The following KCMF1 variants were observed in gnomAD, a reference collection of about 807,000 sequenced individuals.
KCMF1 encodes the protein E3 ubiquitin-protein ligase KCMF1.
A neutral mutation model predicts 41.1 loss-of-function variants in KCMF1; 3 were observed. That is an observed-to-expected ratio of 0.07 (90% CI 0.03 to 0.19). The LOEUF is 0.19. Ranked by LOEUF, KCMF1 falls within the 10% of genes least tolerant of loss-of-function variation. KCMF1 has a pLI of 1.00. For missense variants in KCMF1, 286 were observed against 488.9 expected (o/e 0.58, Z 3.91); for synonymous variants, 142 against 164.5 (o/e 0.86, Z 1.04).
At chr2:85,035,864 A>G (rs866878971) in intron 3 of KCMF1, among the ~76,000 whole-genome samples, 2 of 152,200 alleles carry the variant, frequency 1.3e-5, no homozygotes, top group Non-Finnish European at 1.5e-5. Context: ...TGAAGGCTTT[A>G]TATGGAACTA....
chr2:84,976,425 C>T (rs986497195), intron 1 of KCMF1, among the ~76,000 whole-genome samples: 6 of 151,836 alleles, frequency 4.0e-5, no homozygotes, highest in Non-Finnish European at 7.4e-5. Flanking sequence ...AGGCTGGTCT[C>T]GAACTCCTGA....
intron 4 of KCMF1, among the ~76,000 whole-genome samples, chr2:85,044,739 G>A (rs1012831984): frequency 1.7e-4 from 26 of 152,140 alleles, no homozygotes; most frequent in Middle Eastern, 3.4e-3. Flanking sequence ...GGCTGGTCTC[G>A]AACTCCTGAC....
At chr2:85,013,181 A>G (rs1368195086) in intron 1 of KCMF1, among the ~76,000 whole-genome samples, 1 of 152,158 alleles carries the variant, frequency 6.6e-6, no homozygotes, top group African/African-American at 2.4e-5. Context: ...ACTTATCCTT[A>G]TTCCCCATTT....
At chr2:84,999,989 G>C (rs1312896269) in intron 1 of KCMF1, among the ~76,000 whole-genome samples, 1 of 150,788 alleles carries the variant, frequency 6.6e-6, no homozygotes, top group Non-Finnish European at 1.5e-5. Flanking sequence ...ATTAGAAAAA[G>C]AAACAGGAAT....
intron 1 of KCMF1, among the ~76,000 whole-genome samples, chr2:84,974,658 C>CATATATATATATATATATAT (rs71392939): frequency 6.8e-5 from 2 of 29,332 alleles, no homozygotes; most frequent in Non-Finnish European, 1.1e-4. Context: ...ATTTTAATTT[C>CATATATATATATATATATAT]ATATATATAT....
At chr2:85,006,715 G>A (rs992973804) in intron 1 of KCMF1, among the ~76,000 whole-genome samples, 38 of 152,202 alleles carry the variant, frequency 2.5e-4, no homozygotes, top group South Asian at 4.1e-4. Flanking sequence ...TTATGTATGT[G>A]TGTGAAATGT....
At chr2:85,010,968 C>T (rs1026504604) in intron 1 of KCMF1, among the ~76,000 whole-genome samples, 2 of 151,960 alleles carry the variant, frequency 1.3e-5, no homozygotes, top group Admixed American at 6.6e-5. Context: ...CTCAGCCTCC[C>T]GAGTAGCTGG....
At position 85,027,876 on chromosome 2, in the gene KCMF1, C is replaced by CT. The variant is rs773107794; in HGVS notation, c.17-5dup. On this transcript the variant is annotated splice_polypyrimidine_tract_variant and intron_variant, in intron 1 of 6. Coordinates refer to ENST00000409785, the MANE Select transcript of KCMF1 (RefSeq NM_020122.5). ...TTACAACTGGTAACTAAAGATATTT[C>CT]TTTTTTTTATAGGTGTCAGCTGTGA... 68 of 1,564,564 alleles carry CT rather than the reference C, an allele frequency of 4.3e-5. No individual in the cohort carries two copies. Among genetic ancestry groups the CT allele is most frequent in the Middle Eastern group, 1.8e-4 (1 of 5,538 alleles).
At chr2:85,047,385 T>A (rs1197502145) in intron 5 of KCMF1, among the ~76,000 whole-genome samples, 1 of 152,194 alleles carries the variant, frequency 6.6e-6, no homozygotes, top group Non-Finnish European at 1.5e-5. Flanking sequence ...ATCTCAGATG[T>A]TGTGCAAGGC....
chr2:85,019,767 T>C (rs1462990905), intron 1 of KCMF1, among the ~76,000 whole-genome samples: 1 of 151,850 alleles, frequency 6.6e-6, no homozygotes, highest in African/African-American at 2.4e-5. Context: ...TGTGTATATA[T>C]ACATATACGT....
chr2:84,993,606 A>G (rs983188192), intron 1 of KCMF1, among the ~76,000 whole-genome samples: 1 of 149,688 alleles, frequency 6.7e-6, no homozygotes, highest in Non-Finnish European at 1.5e-5. Flanking sequence ...ATGCAATTTT[A>G]CTCTTGTGCC....
chr2:85,051,377 T>A (rs1558588607), intron 6 of KCMF1, among the ~76,000 whole-genome samples: 1 of 152,174 alleles, frequency 6.6e-6, no homozygotes, highest in Non-Finnish European at 1.5e-5. Flanking sequence ...GTGGGTGGAA[T>A]GTCTTGCCAG....
intron 1 of KCMF1, among the ~76,000 whole-genome samples, chr2:84,981,789 G>GT (rs924905315): frequency 6.6e-6 from 1 of 151,810 alleles, no homozygotes; most frequent in Non-Finnish European, 1.5e-5. Context: ...TTGTTTGTTT[G>GT]TTTTTTTGAG....
chr2:85,000,477 A>T (rs1674301352), intron 1 of KCMF1, among the ~76,000 whole-genome samples: 2 of 152,172 alleles, frequency 1.3e-5, no homozygotes. Flanking sequence ...GTGTTTCATA[A>T]GCCCCTTGTA....
chr2:85,001,140 T>TTTAA (rs1160517892), intron 1 of KCMF1, among the ~76,000 whole-genome samples: 6 of 151,134 alleles, frequency 4.0e-5, no homozygotes, highest in African/African-American at 4.9e-5. Flanking sequence ...ATAATTTTAT[T>TTTAA]TTAATTAATT....
chr2:85,057,313 C>T lies in KCMF1; in HGVS notation c.*3904C>T, dbSNP rs901723535. On this transcript the variant is annotated 3_prime_UTR_variant, in exon 7 of 7. Coordinates refer to ENST00000409785, the MANE Select transcript of KCMF1 (RefSeq NM_020122.5). Reference sequence around the variant, plus strand: ...CTCAACTAGACACTAAAACAGTTCTCTCCTTGAGACCGGAAGTGGGATGGG... The same window carrying T: ...CTCAACTAGACACTAAAACAGTTCTTTCCTTGAGACCGGAAGTGGGATGGG... 1 of 152,148 alleles carries T rather than the reference C, an allele frequency of 6.6e-6. No individual in the cohort carries two copies. The highest frequency in any genetic ancestry group is 1.5e-5 in the Non-Finnish European group (1 of 68,026). The allele number at this position is 152,148 out of a possible 1,614,324, so 9.4% of individuals were successfully genotyped here.
intron 6 of KCMF1, among the ~76,000 whole-genome samples, chr2:85,051,983 T>G (rs1340717909): frequency 3.3e-5 from 5 of 152,242 alleles, no homozygotes; most frequent in Admixed American, 6.5e-5. Flanking sequence ...CCTATTCATG[T>G]TGCCCTGCAA....
In KCMF1 at chr2:85,031,594, C is replaced by G. The variant is rs1050441926; in HGVS notation, c.185-3422C>G. Among the ~76,000 whole-genome samples, 3 of 152,152 alleles carry G rather than the reference C, an allele frequency of 2.0e-5. No homozygotes were observed. The South Asian group carries it at 6.2e-4, about 32-fold the overall frequency. Reference sequence around the variant, plus strand: ...GTGTTCTGAGCACGTTTAATGTAGACTAGGCTAAGCTATGATGTTTGGTAG... The same window carrying G: ...GTGTTCTGAGCACGTTTAATGTAGAGTAGGCTAAGCTATGATGTTTGGTAG... On this transcript the variant is annotated intron_variant, in intron 2 of 6. Transcript: ENST00000409785.
chr2:85,008,321 C>G (rs764171036), intron 1 of KCMF1, among the ~76,000 whole-genome samples: 10 of 43,948 alleles, frequency 2.3e-4, no homozygotes, highest in African/African-American at 6.9e-4. Context: ...ATATATATAT[C>G]ATATATAATA....
Sources: gnomAD v4.1 joint callset for allele counts (sites outside exome capture counted in the v4.1 genomes callset) on GRCh38, gnomAD v4.1.1 for gene constraint, MANE v1.5 for transcripts, NCBI Gene and HGNC (gene_info 2026-07-23, HGNC 2026-07-21) for gene names.